Variants in TIMM8B observed in about 807,000 individuals in gnomAD.
The protein encoded by TIMM8B is mitochondrial import inner membrane translocase subunit Tim8 B.
A neutral mutation model predicts 8.5 loss-of-function variants in TIMM8B; 5 were observed. The observed-to-expected ratio is 0.59, with a 90% CI of 0.31 to 1.24. The LOEUF (loss-of-function observed/expected upper bound fraction) is 1.24, where lower values mean the gene tolerates loss of function less well. TIMM8B is among the 50% of genes most tolerant of loss of function. The pLI is 0.07. For synonymous variants in TIMM8B, 44 were observed against 39.9 expected, an observed-to-expected ratio of 1.10 and a Z score of -0.39; for missense variants, 104 against 109.2, an observed-to-expected ratio of 0.95 and a Z score of 0.21.
chr11:112,085,996 C>G (rs909042358), intron 1 of TIMM8B: 2 of 1,113,942 alleles, frequency 1.8e-6, no homozygotes, highest in Non-Finnish European at 1.1e-6. Context: ...AGGCTGGGTA[C>G]TAAGAAATCA....
rs1442132898 is a variant in TIMM8B, at chr11:112,085,381, GAC to G, written c.164_165del (p.Cys55SerfsTer10). The G allele has an allele frequency of 1.9e-6, 3 of 1,613,992 alleles. No individual in the cohort carries two copies. Among genetic ancestry groups the G allele is most frequent in the Admixed American group, 3.3e-5 (2 of 60,022 alleles). On this transcript the variant is annotated frameshift_variant, in exon 2 of 2. Transcript: ENST00000504148. LOFTEE classifies it high-confidence loss of function. ...ATGAAGCGGTCTACACAGCTGGAGA[GAC>G]AATTTTCAGTGCGAGAGTCTAGGCG... ...GNRLDSRTENCLSSCVDRFID... is the reference protein window; with the variant it reads ...GNRLDSRTENXLSSCVDRFID...
Position 112,085,310 on chromosome 11 carries a change from C to T in TIMM8B, c.237G>A (p.Gln79=), listed in dbSNP as rs776231901. 8 of 1,612,000 alleles carry T rather than the reference C, an allele frequency of 5.0e-6. No homozygotes were observed. The highest frequency in any genetic ancestry group is 2.1e-4 in the Middle Eastern group (1 of 4,718). Residue 79 remains glutamine (Q), a synonymous_variant, in exon 2 of 2, where the codon CAG becomes CAA. Transcript: ENST00000504148. ...GGGGGATGGCCTACTGCCCTCCTTTCTGTACAATCTGGGCAAACCGACTGG... is the reference window on the plus strand; with the variant it reads ...GGGGGATGGCCTACTGCCCTCCTTTTTGTACAATCTGGGCAAACCGACTGG... ...AITSRFAQIV[Q]KGGQ is the part of the protein sequence containing the mutation.
rs1341674881 is a variant in TIMM8B at position 112,085,058 on chromosome 11, AAAG to A, written c.*234_*236del. The stretch of plus-strand genomic sequence containing the variant: ...TATATTAAATTCTAAAATGGGATTA[AAAG>A]AAGAGTTGGAGAATTCACACTTATT... On this transcript the variant is annotated 3_prime_UTR_variant, in exon 2 of 2. Coordinates refer to ENST00000504148, the MANE Select transcript of TIMM8B (RefSeq NM_012459.4). The A allele has an allele frequency of 2.6e-6, 1 of 379,306 alleles. No homozygotes were observed. Among genetic ancestry groups the A allele is most frequent in the African/African-American group, 2.0e-5 (1 of 49,260 alleles). 23.5% of individuals were successfully genotyped at this position (379,306 alleles called of 1,614,324 possible).
chr11:112,086,362 A>T (rs1332649795), intron 1 of TIMM8B: 1 of 618,824 alleles, frequency 1.6e-6, no homozygotes. Context: ...ATGCCAGCCC[A>T]GTCATGTCGC....
At chr11:112,086,556 C>A (rs1865603551) in intron 1 of TIMM8B, 84 bp downstream of exon 1, 2 of 1,472,480 alleles carry the variant, frequency 1.4e-6, no homozygotes, top group Non-Finnish European at 9.0e-7. Context: ...ACCAGTGAGC[C>A]GCCAGTGTAC....
chr11:112,086,154 T>C (rs1865592439), intron 1 of TIMM8B: 1 of 783,060 alleles, frequency 1.3e-6, no homozygotes, highest in Admixed American at 2.4e-5. Flanking sequence ...ACATCCATAG[T>C]CTACAGCGAC....
Position 112,086,665 on chromosome 11 carries a change from TGCTC to T in TIMM8B, c.55_58del (p.Glu19SerfsTer29). 1 of 1,601,676 alleles carries T rather than the reference TGCTC, an allele frequency of 6.2e-7. No individual in the cohort carries two copies. Among genetic ancestry groups the T allele is most frequent in the South Asian group, 1.1e-5 (1 of 90,156 alleles). On this transcript the variant is annotated frameshift_variant, in exon 1 of 2. Coordinates refer to ENST00000504148, the MANE Select transcript of TIMM8B (RefSeq NM_012459.4). LOFTEE classifies it high-confidence loss of function. The stretch of plus-strand genomic sequence containing the variant: ...CTGTGCAGTAAACTGCGCCTTCTGC[TGCTC>T]GGCGGCCACCAGGCGCTGCAACTCC...
chr11:112,086,018 G>C, intron 1 of TIMM8B: 2 of 1,156,144 alleles, frequency 1.7e-6, no homozygotes, highest in Non-Finnish European at 2.2e-6. Flanking sequence ...TTCTCTCTAA[G>C]GTCCTCAAGG....
intron 1 of TIMM8B, chr11:112,086,071 T>A: frequency 1.7e-6 from 2 of 1,200,546 alleles, no homozygotes; most frequent in Non-Finnish European, 2.1e-6. Context: ...GATTATGTAG[T>A]CCAAGGTCAT....
In TIMM8B at chr11:112,085,361, G is replaced by A; in HGVS notation, c.186C>T (p.Arg62=). ...TGATGGCAAGAGTGGTGTCAATGAA[G>A]CGGTCTACACAGCTGGAGAGACAAT... The part of the protein sequence containing the change: ...TENCLSSCVD[R]FIDTTLAITS... Residue 62 remains arginine, a synonymous_variant, in exon 2 of 2, where the codon CGC becomes CGT. Coordinates refer to ENST00000504148, the MANE Select transcript of TIMM8B (RefSeq NM_012459.4). The A allele has an allele frequency of 2.5e-6, 4 of 1,613,660 alleles. No individual in the cohort carries two copies. The highest frequency in any genetic ancestry group is 3.4e-6 in the Non-Finnish European group (4 of 1,180,004).
intron 1 of TIMM8B, chr11:112,085,872 T>C (rs1202447164): frequency 2.7e-6 from 1 of 374,690 alleles, no homozygotes; most frequent in East Asian, 9.7e-5. Flanking sequence ...TGCACTGTCA[T>C]TAGAATGTTC....
chr11:112,086,682 G>GTCA lies in TIMM8B; in HGVS notation c.41_42insTGA (p.Arg14_Leu15insAsp). 1 of 1,603,306 alleles carries GTCA rather than the reference G, an allele frequency of 6.2e-7. No homozygotes were observed. Among genetic ancestry groups the GTCA allele is most frequent in the African/African-American group, 1.3e-5 (1 of 74,978 alleles). On this transcript the variant is annotated inframe_insertion, in exon 1 of 2. Transcript: ENST00000504148. ...CCTTCTGCTGCTCGGCGGCCACCAG[G>GTCA]CGCTGCAACTCCGCTTCATCGGCTT...
At position 112,085,282 on chromosome 11, in the gene TIMM8B, C is replaced by T. The variant is rs760335707; in HGVS notation, c.*13G>A. 7 of 1,604,556 alleles carry T rather than the reference C, an allele frequency of 4.4e-6. No homozygotes were observed. The South Asian group carries it at 4.4e-5, about 10-fold the overall frequency. On this transcript the variant is annotated 3_prime_UTR_variant, in exon 2 of 2. Coordinates refer to ENST00000504148, the MANE Select transcript of TIMM8B (RefSeq NM_012459.4). ...ACAAGTCCTTTGCTTCTGTCATTCT[C>T]CTGGGGGATGGCCTACTGCCCTCCT...
Position 112,085,049 on chromosome 11 carries a change from A to C in TIMM8B, c.*246T>G, listed in dbSNP as rs1181709207. ...AGAGATCTCTATATTAAATTCTAAA[A>C]TGGGATTAAAAGAAGAGTTGGAGAA... On this transcript the variant is annotated 3_prime_UTR_variant, in exon 2 of 2. Transcript: ENST00000504148. 1.1e-5 allele frequency: 4 copies of C among 358,058 alleles called. No homozygotes were observed. The highest frequency in any genetic ancestry group is 2.0e-5 in the Non-Finnish European group (4 of 197,982). The allele number at this position is 358,058 out of a possible 1,614,324, so 22.2% of individuals were successfully genotyped here.
In TIMM8B at chr11:112,085,264, C is replaced by CT. The variant is rs1267139786; in HGVS notation, c.*30dup. On this transcript the variant is annotated 3_prime_UTR_variant, in exon 2 of 2. Transcript: ENST00000504148. ...CCTTAAATCTGCTTAGTAACAAGTCCTTTGCTTCTGTCATTCTCCTGGGGG... is the reference window on the plus strand; with the variant it reads ...CCTTAAATCTGCTTAGTAACAAGTCCTTTTGCTTCTGTCATTCTCCTGGGGG... 5 of 1,587,118 alleles carry CT rather than the reference C, an allele frequency of 3.2e-6. No homozygotes were observed. The highest frequency in any genetic ancestry group is 3.4e-6 in the Non-Finnish European group (4 of 1,164,160).
At position 112,085,142 on chromosome 11, in the gene TIMM8B, C is replaced by T. The variant is rs978069166; in HGVS notation, c.*153G>A. The T allele has an allele frequency of 1.9e-6, 1 of 522,510 alleles. No homozygotes were observed. Among genetic ancestry groups the T allele is most frequent in the African/African-American group, 1.9e-5 (1 of 52,616 alleles). 32.4% of individuals were successfully genotyped at this position (522,510 alleles called of 1,614,324 possible). On this transcript the variant is annotated 3_prime_UTR_variant, in exon 2 of 2. Transcript: ENST00000504148. The stretch of plus-strand genomic sequence containing the variant: ...CTGAATTCCAAATAAATAAATTTCA[C>T]TCTTTGAACATTTCATCTTTTACTT...
chr11:112,086,577 G>T, intron 1 of TIMM8B, 63 bp downstream of exon 1: 1 of 1,497,690 alleles, frequency 6.7e-7, no homozygotes. Context: ...AGACCTCCGA[G>T]CGTGCCCAGG....
rs766875580 is a variant in TIMM8B at position 112,086,711 on chromosome 11, C to T, written c.13G>A (p.Gly5Ser). 6.2e-7 allele frequency: 1 copy of T among 1,602,382 alleles called. No homozygotes were observed. Among genetic ancestry groups the T allele is most frequent in the Non-Finnish European group, 8.5e-7 (1 of 1,177,076 alleles). ...TGCAACTCCGCTTCATCGGCTTCGC[C>T]CAGCTCCGCCATTGTTCGCCTCAGG... MAEL[G>S]EADEAELQRL... The change falls in exon 1 of 2, where the codon GGC becomes AGC. Residue 5 changes from glycine (G) to serine (S), a missense_variant. Transcript: ENST00000504148.
chr11:112,085,728 C>T (rs982993768), intron 1 of TIMM8B, among the ~76,000 whole-genome samples: 7 of 152,060 alleles, frequency 4.6e-5, no homozygotes, highest in African/African-American at 1.7e-4. Flanking sequence ...ACTAGGGAAC[C>T]AATTAATTTT....
Sources: allele counts gnomAD v4.1 joint callset (sites outside exome capture counted in the v4.1 genomes callset), GRCh38; gene constraint gnomAD v4.1.1; transcripts MANE v1.5; gene names NCBI Gene and HGNC (gene_info 2026-07-23, HGNC 2026-07-21).